Variants in MTDH observed in about 807,000 individuals in gnomAD.
The protein encoded by MTDH is protein LYRIC.
Under a neutral mutation model 72.7 loss-of-function variants are expected in MTDH, and 34 were observed. That is an observed-to-expected ratio of 0.47 (90% CI 0.36 to 0.62). The LOEUF is 0.62. Ranked by LOEUF, MTDH falls within the 20% of genes least tolerant of loss-of-function variation. MTDH has a pLI of 0.00. For missense variants in MTDH, 677 were observed against 699.4 expected, an observed-to-expected ratio of 0.97 and a Z score of 0.36; for synonymous variants, 266 against 268.9, an observed-to-expected ratio of 0.99 and a Z score of 0.10.
intron 2 of MTDH, among the ~76,000 whole-genome samples, chr8:97,673,427 G>A (rs1241639675): frequency 2.0e-5 from 3 of 152,198 alleles, no homozygotes; most frequent in African/African-American, 7.2e-5. Flanking sequence ...GGGAGGCCAA[G>A]GTGGGTGGAT....
At position 97,729,961 on chromosome 8, in the gene MTDH, G is replaced by C. The variant is rs1156912715; in HGVS notation, c.*5291G>C. On this transcript the variant is annotated 3_prime_UTR_variant, in exon 12 of 12. Transcript: ENST00000336273. ...ATATAATATTTTAAAACATGAAAAA[G>C]GCATTACTATTGTTCTGGTCTAAGT... Among the ~76,000 whole-genome samples, 1 of 152,244 alleles carries C rather than the reference G, an allele frequency of 6.6e-6. No individual in the cohort carries two copies. The highest frequency in any genetic ancestry group is 1.9e-4 in the East Asian group (1 of 5,190).
chr8:97,672,534 T>C (rs1812666119), intron 2 of MTDH, among the ~76,000 whole-genome samples: 1 of 152,204 alleles, frequency 6.6e-6, no homozygotes, highest in Non-Finnish European at 1.5e-5. Context: ...AAGAATACCA[T>C]ACCAGGAAAA....
chr8:97,691,568 T>C (rs987072712), intron 6 of MTDH, among the ~76,000 whole-genome samples: 2 of 152,208 alleles, frequency 1.3e-5, no homozygotes, highest in Non-Finnish European at 2.9e-5. Context: ...CATCCACTTA[T>C]ATTTTACAGT....
intron 6 of MTDH, among the ~76,000 whole-genome samples, chr8:97,695,799 T>C (rs776852000): frequency 1.3e-5 from 2 of 152,226 alleles, no homozygotes; most frequent in African/African-American, 2.4e-5. Flanking sequence ...CTCATACTTA[T>C]GTAATTGTGA....
chr8:97,705,485 A>G (rs1814313840), intron 7 of MTDH, among the ~76,000 whole-genome samples: 1 of 152,156 alleles, frequency 6.6e-6, no homozygotes, highest in African/African-American at 2.4e-5. Context: ...CTGTAATCCC[A>G]GCTACTCGGG....
rs551280959 is a variant in MTDH, at chr8:97,726,208, T to C, written c.*1538T>C. 5.9e-5 allele frequency: 9 copies of C among 152,694 alleles called. No individual in the cohort carries two copies. Among genetic ancestry groups the C allele is most frequent in the Non-Finnish European group, 1.2e-4 (8 of 68,054 alleles). 9.5% of individuals were successfully genotyped at this position (152,694 alleles called of 1,614,324 possible). A position where few individuals can be genotyped will look rare whatever the true frequency, so the allele number is the denominator to read the frequency against. On this transcript the variant is annotated 3_prime_UTR_variant, in exon 12 of 12. Transcript: ENST00000336273. ...CAAGAGATTATTAACTTTTATCAGG[T>C]GTTAACATCTGTTTCAGGAACATGG...
intron 10 of MTDH, among the ~76,000 whole-genome samples, chr8:97,719,479 CA>C (rs1815021649): frequency 9.7e-6 from 1 of 103,490 alleles, no homozygotes; most frequent in African/African-American, 4.4e-5. Flanking sequence ...GGCAAGAGAG[CA>C]AGACACTGTC....
intron 6 of MTDH, among the ~76,000 whole-genome samples, chr8:97,697,774 T>C (rs1048505508): frequency 1.3e-5 from 2 of 152,128 alleles, no homozygotes; most frequent in African/African-American, 4.8e-5. Flanking sequence ...GGTCTGTGAG[T>C]CATAGTTTGC....
Position 97,644,266 on chromosome 8 carries a change from A to G in MTDH, c.-241A>G, listed in dbSNP as rs1368616970. 5.6e-6 allele frequency: 3 copies of G among 536,308 alleles called. No homozygotes were observed. Among genetic ancestry groups the G allele is most frequent in the Non-Finnish European group, 9.6e-6 (3 of 314,104 alleles). 33.2% of individuals were successfully genotyped at this position (536,308 alleles called of 1,614,324 possible). A position where few individuals can be genotyped will look rare whatever the true frequency, so the allele number is the denominator to read the frequency against. ...CCGCTTAGCGGCCGCCACTGGAGACACTCCCTCCCGCCTCCCGGGTCTCCT... is the reference window on the plus strand; with the variant it reads ...CCGCTTAGCGGCCGCCACTGGAGACGCTCCCTCCCGCCTCCCGGGTCTCCT... On this transcript the variant is annotated 5_prime_UTR_variant, in exon 1 of 12. Transcript: ENST00000336273.
At chr8:97,671,067 G>A (rs980387919) in intron 2 of MTDH, among the ~76,000 whole-genome samples, 4 of 142,868 alleles carry the variant, frequency 2.8e-5, no homozygotes, top group African/African-American at 7.7e-5. Context: ...CCGGGTTCAC[G>A]CCATTCTCCT....
At chr8:97,660,825 G>A (rs1289286435) in intron 1 of MTDH, among the ~76,000 whole-genome samples, 2 of 151,928 alleles carry the variant, frequency 1.3e-5, no homozygotes, top group Admixed American at 6.6e-5. Context: ...TTTTGTTAGA[G>A]GGACTGATAC....
Position 97,708,528 on chromosome 8 carries a change from C to T in MTDH, c.1272+1778C>T, listed in dbSNP as rs1300615418. ...AACTCCTGAGCTCAAGTGATCCACC[C>T]ACCTCGGCCTCCCAAAGTGCTGGGA... On this transcript the variant is annotated intron_variant, in intron 8 of 11. Transcript: ENST00000336273. Among the ~76,000 whole-genome samples, 9 of 123,726 alleles carry T rather than the reference C, an allele frequency of 7.3e-5. No homozygotes were observed. The East Asian group carries it at 1.6e-3, about 23-fold the overall frequency. The allele number at this position is 123,726 out of a possible 152,430, so 81.2% of individuals were successfully genotyped here.
In MTDH at chr8:97,699,870, T is replaced by G. The variant is rs1814033787; in HGVS notation, c.1147+18T>G. 1.3e-6 allele frequency: 2 copies of G among 1,531,596 alleles called. No individual in the cohort carries two copies. 94.9% of individuals were successfully genotyped at this position (1,531,596 alleles called of 1,614,324 possible). A position where few individuals can be genotyped will look rare whatever the true frequency, so the allele number is the denominator to read the frequency against. The stretch of plus-strand genomic sequence containing the variant: ...TGGGTTAAGTATGTCCTTTTAAAAA[T>G]TATCAGTTATTTTTTTTCAGAGTTT... On this transcript the variant is annotated intron_variant, in intron 7 of 11. Coordinates refer to ENST00000336273, the MANE Select transcript of MTDH (RefSeq NM_178812.4).
At chr8:97,683,768 A>G (rs910945595) in intron 2 of MTDH, among the ~76,000 whole-genome samples, 2 of 152,074 alleles carry the variant, frequency 1.3e-5, no homozygotes, top group Non-Finnish European at 2.9e-5. Context: ...GTGGACCTGC[A>G]CTGTCCAGTA....
chr8:97,670,958 T>C (rs868041604), intron 2 of MTDH, among the ~76,000 whole-genome samples: 1 of 132,468 alleles, frequency 7.5e-6, no homozygotes, highest in Non-Finnish European at 1.6e-5. Flanking sequence ...TGTTGTTTTT[T>C]TTTTTTTTTT....
At chr8:97,701,323 GTC>G (rs1814115135) in intron 7 of MTDH, among the ~76,000 whole-genome samples, 1 of 151,960 alleles carries the variant, frequency 6.6e-6, no homozygotes, top group South Asian at 2.1e-4. Context: ...ACCTACATAT[GTC>G]TTCCCATATA....
At chr8:97,718,974 C>G in intron 9 of MTDH, 75 bp from the exon 10 acceptor site, 1 of 1,370,994 alleles carries the variant, frequency 7.3e-7, no homozygotes, top group Non-Finnish European at 1.0e-6. Flanking sequence ...GGGATTACAG[C>G]CATACACCAC....
Position 97,644,691 on chromosome 8 carries a change from T to C in MTDH, c.185T>C (p.Leu62Pro). The C allele has an allele frequency of 6.2e-7, 1 of 1,603,560 alleles. No homozygotes were observed. The highest frequency in any genetic ancestry group is 1.1e-5 in the South Asian group (1 of 90,080). Reference protein sequence around the residue: ...ILVGTGALGLLLLFLLGYGWA... With the variant: ...ILVGTGALGLPLLFLLGYGWA... Reference sequence around the variant, plus strand: ...GTGGGCACTGGCGCGCTCGGGCTGCTGCTGCTGTTTCTGCTGGGCTACGGC... The same window carrying C: ...GTGGGCACTGGCGCGCTCGGGCTGCCGCTGCTGTTTCTGCTGGGCTACGGC... The change falls in exon 1 of 12, where the codon CTG (leucine) becomes CCG (proline). Residue 62 changes from leucine to proline, a missense_variant. Physicochemically the swap from Leu to Pro is moderately conservative, Grantham distance 98 (BLOSUM62 -3). Around this residue, in one of 3 missense-constraint regions of MTDH, gnomAD observed 467 missense variants for 469.1 expected, o/e 1.00. Coordinates refer to ENST00000336273, the MANE Select transcript of MTDH (RefSeq NM_178812.4).
chr8:97,678,625 GAGAC>G (rs1812951396), intron 2 of MTDH, among the ~76,000 whole-genome samples: 4 of 82,746 alleles, frequency 4.8e-5, no homozygotes, highest in Non-Finnish European at 9.1e-5. Context: ...TTTTGAGAGA[GAGAC>G]AGAATTGCTT....
Sources: allele counts gnomAD v4.1 joint callset (sites outside exome capture counted in the v4.1 genomes callset), GRCh38; gene constraint gnomAD v4.1.1; regional missense constraint gnomAD v4.1.1; transcripts MANE v1.5; gene names NCBI Gene and HGNC (gene_info 2026-07-23, HGNC 2026-07-21).